TRIM71: variants seen among roughly 807,000 people sequenced by gnomAD.
TRIM71 encodes the protein E3 ubiquitin-protein ligase TRIM71.
Under a neutral mutation model 61.2 loss-of-function variants are expected in TRIM71, and 9 were observed. The observed-to-expected ratio is 0.15, with a 90% CI of 0.09 to 0.26. The LOEUF (loss-of-function observed/expected upper bound fraction) is 0.26, where lower values mean the gene tolerates loss of function less well. Ranked by LOEUF, TRIM71 falls within the 10% of genes least tolerant of loss-of-function variation. The pLI is 1.00. For synonymous variants in TRIM71, 645 were observed against 553.2 expected (o/e 1.17, Z -2.33); for missense variants, 998 against 1,238.7 (o/e 0.81, Z 2.92).
chr3:32,871,118 G>T (rs913668047), intron 1 of TRIM71, among the ~76,000 whole-genome samples: 1 of 152,110 alleles, frequency 6.6e-6, no homozygotes, highest in Non-Finnish European at 1.5e-5. Flanking sequence ...TCTCTATTAG[G>T]TAGACTTTCT....
intron 1 of TRIM71, among the ~76,000 whole-genome samples, chr3:32,846,462 G>A (rs1322732526): frequency 2.6e-5 from 4 of 152,168 alleles, no homozygotes; most frequent in Admixed American, 2.6e-4. Flanking sequence ...ATTGTGGAAT[G>A]ATTATATTAA....
Position 32,821,849 on chromosome 3 carries a change from C to T in TRIM71, c.852+2917C>T, listed in dbSNP as rs556645418. ...CGCCGCCCGGCCAGCCCGGAGCCTGCCTCGGCTCTGGGGACGTGGCCTGGC... is the reference window on the plus strand; with the variant it reads ...CGCCGCCCGGCCAGCCCGGAGCCTGTCTCGGCTCTGGGGACGTGGCCTGGC... On this transcript the variant is annotated intron_variant, in intron 1 of 3. Transcript: ENST00000383763. Among the ~76,000 whole-genome samples the T allele has an allele frequency of 2.0e-5, 3 of 151,846 alleles. No homozygotes were observed. In the East Asian group the frequency reaches 5.9e-4, roughly 30 times the overall value.
chr3:32,875,155 A>T (rs1159159343), intron 2 of TRIM71, among the ~76,000 whole-genome samples: 1 of 152,128 alleles, frequency 6.6e-6, no homozygotes. Flanking sequence ...TGTGATACAG[A>T]TTTACTTATT....
intron 1 of TRIM71, among the ~76,000 whole-genome samples, chr3:32,829,350 A>G (rs1696240166): frequency 6.6e-6 from 1 of 151,606 alleles, no homozygotes; most frequent in Non-Finnish European, 1.5e-5. Context: ...ACACCCAACT[A>G]ATTTTGTATT....
At chr3:32,840,383 A>C (rs1363030951) in intron 1 of TRIM71, among the ~76,000 whole-genome samples, 2 of 152,150 alleles carry the variant, frequency 1.3e-5, no homozygotes, top group Non-Finnish European at 2.9e-5. Flanking sequence ...GTTACAGTAA[A>C]AGCCAGTACA....
At chr3:32,867,176 C>G (rs77356510) in intron 1 of TRIM71, among the ~76,000 whole-genome samples, 2 of 151,936 alleles carry the variant, frequency 1.3e-5, no homozygotes, top group Non-Finnish European at 2.9e-5. Flanking sequence ...TTACCACCCC[C>G]CTCCCCCTCC....
rs543733546 is a variant in TRIM71 at position 32,820,399 on chromosome 3, G to A, written c.852+1467G>A. Among the ~76,000 whole-genome samples the A allele has an allele frequency of 7.2e-4, 109 of 152,288 alleles. 2 individuals are homozygous for A. The highest frequency in any genetic ancestry group is 2.5e-3 in the African/African-American group (103 of 41,562). On this transcript the variant is annotated intron_variant, in intron 1 of 3. Transcript: ENST00000383763. ...GTTTCTTCTAGGTAAGAAGCTAGGG[G>A]GCAGTTATCTTTTTTTTCCGTTTTT... is the stretch of plus-strand genomic sequence containing the variant.
chr3:32,891,890 T>C lies in TRIM71; in HGVS notation c.*79T>C, dbSNP rs577739040. The C allele has an allele frequency of 1.6e-3, 2,327 of 1,486,046 alleles. 2 individuals are homozygous for C. The highest frequency in any genetic ancestry group is 1.9e-3 in the Non-Finnish European group (2,065 of 1,115,458). The allele number at this position is 1,486,046 out of a possible 1,614,324, so 92.1% of individuals were successfully genotyped here. A position where few individuals can be genotyped will look rare whatever the true frequency, so the allele number is the denominator to read the frequency against. ...TCTCTCTCTTTCTCTTTCTCTCTCT[T>C]TTTGAATTTCAAAGAAGAAACAGTC... On this transcript the variant is annotated 3_prime_UTR_variant, in exon 4 of 4. Transcript: ENST00000383763. This position sits in a 1 kb window ranked among gnomAD's most constrained non-coding sequence, Gnocchi z 8.2.
At chr3:32,862,115 A>C (rs887562819) in intron 1 of TRIM71, among the ~76,000 whole-genome samples, 1 of 152,208 alleles carries the variant, frequency 6.6e-6, no homozygotes, top group Non-Finnish European at 1.5e-5. Flanking sequence ...TAGAAAGGTA[A>C]CTGGCTCTAG....
chr3:32,837,706 T>C (rs1279702347), intron 1 of TRIM71, among the ~76,000 whole-genome samples: 3 of 151,974 alleles, frequency 2.0e-5, no homozygotes. Flanking sequence ...GTAGTGAAGC[T>C]GAGGCAGGAG....
intron 1 of TRIM71, among the ~76,000 whole-genome samples, chr3:32,833,081 A>C (rs1206950753): frequency 6.7e-6 from 1 of 149,822 alleles, no homozygotes; most frequent in East Asian, 2.0e-4. Flanking sequence ...AGGCTGAGGC[A>C]GGAGAATCAC....
intron 1 of TRIM71, among the ~76,000 whole-genome samples, chr3:32,848,573 C>T (rs1380388708): frequency 6.6e-6 from 1 of 152,106 alleles, no homozygotes; most frequent in African/African-American, 2.4e-5. Flanking sequence ...ATACTGTTTT[C>T]TTTTTATGGT....
At chr3:32,827,335 C>T (rs1217236316) in intron 1 of TRIM71, among the ~76,000 whole-genome samples, 1 of 140,668 alleles carries the variant, frequency 7.1e-6, no homozygotes, top group Non-Finnish European at 1.5e-5. Flanking sequence ...GTGATCTCGG[C>T]TCCTTGTACC....
At chr3:32,824,361 T>C (rs1196197528) in intron 1 of TRIM71, among the ~76,000 whole-genome samples, 2 of 151,658 alleles carry the variant, frequency 1.3e-5, no homozygotes, top group East Asian at 1.9e-4. Flanking sequence ...TTCTTTCTTT[T>C]TTTTTTTTTT....
intron 1 of TRIM71, among the ~76,000 whole-genome samples, chr3:32,835,302 A>ATT (rs1414887493): frequency 6.6e-6 from 1 of 152,204 alleles, no homozygotes; most frequent in Non-Finnish European, 1.5e-5. Flanking sequence ...GTTAAGAAAC[A>ATT]TTCTCATTTT....
Position 32,871,165 on chromosome 3 carries a change from G to T in TRIM71, c.853-2653G>T, listed in dbSNP as rs116598072. 5.8e-3 allele frequency among the ~76,000 whole-genome samples: 881 copies of T among 152,224 alleles called. 4 individuals carry two copies. Among genetic ancestry groups the T allele is most frequent in the Non-Finnish European group, 9.1e-3 (618 of 68,020 alleles). The stretch of plus-strand genomic sequence containing the variant: ...GGGTCTTCCGGAGGTACCCAGTCAG[G>T]CCCCTTTTGTTTCACAGATGAGACT... On this transcript the variant is annotated intron_variant, in intron 1 of 3. Coordinates refer to ENST00000383763, the MANE Select transcript of TRIM71 (RefSeq NM_001039111.3).
chr3:32,860,111 C>CCCTCT (rs1178826340), intron 1 of TRIM71, among the ~76,000 whole-genome samples: 3 of 145,174 alleles, frequency 2.1e-5, no homozygotes, highest in East Asian at 2.1e-4. Flanking sequence ...CTCTCCCCTT[C>CCCTCT]CCTCTCCTCT....
chr3:32,823,417 G>A (rs1302319323), intron 1 of TRIM71, among the ~76,000 whole-genome samples: 1 of 152,204 alleles, frequency 6.6e-6, no homozygotes, highest in East Asian at 1.9e-4. Context: ...CACTGTCTGG[G>A]AAACCTTTTG....
chr3:32,834,459 C>A (rs913921799), intron 1 of TRIM71, among the ~76,000 whole-genome samples: 1 of 152,122 alleles, frequency 6.6e-6, no homozygotes, highest in Non-Finnish European at 1.5e-5. Flanking sequence ...TAATTACATA[C>A]ACAAATGTTA....
Sources: allele counts gnomAD v4.1 joint callset (sites outside exome capture counted in the v4.1 genomes callset), GRCh38; gene constraint gnomAD v4.1.1; non-coding constraint Gnocchi (gnomAD v3.1); transcripts MANE v1.5; gene names NCBI Gene and HGNC (gene_info 2026-07-23, HGNC 2026-07-21).